The following SLC22A3 variants were observed in gnomAD, a reference collection of about 807,000 sequenced individuals.
The protein encoded by SLC22A3 is solute carrier family 22 member 3, also known as EMT organic cation transporter 3.
In SLC22A3, 51 loss-of-function variants were observed where a neutral mutation model predicts 59.1. That is an observed-to-expected ratio of 0.86 (90% confidence interval 0.69 to 1.09). The LOEUF is 1.09. SLC22A3 is among the 50% of genes least tolerant of loss of function. The pLI, the probability that SLC22A3 is intolerant of heterozygous loss-of-function variation, is 0.00. For synonymous variants in SLC22A3, 325 were observed against 292.0 expected (o/e 1.11, Z -1.15); for missense variants, 711 against 726.3 (o/e 0.98, Z 0.24).
intron 5 of SLC22A3, among the ~76,000 whole-genome samples, chr6:160,416,727 CCT>C: frequency 6.6e-6 from 1 of 152,238 alleles, no homozygotes; most frequent in Middle Eastern, 3.4e-3. Flanking sequence ...CTTGTAGTGC[CCT>C]GTTTCTTGCC....
chr6:160,351,367 G>A (rs1434538641), intron 1 of SLC22A3, among the ~76,000 whole-genome samples: 1 of 152,176 alleles, frequency 6.6e-6, no homozygotes, highest in Non-Finnish European at 1.5e-5. Flanking sequence ...CGCCCGCCTT[G>A]GCTTCCCAAA....
At chr6:160,424,998 C>T (rs1583501402) in intron 5 of SLC22A3, among the ~76,000 whole-genome samples, 1 of 152,188 alleles carries the variant, frequency 6.6e-6, no homozygotes, top group Admixed American at 6.5e-5. Context: ...CAGTTCATAA[C>T]AGTTTATGCA....
chr6:160,377,363 T>C (rs1398816488), intron 1 of SLC22A3, among the ~76,000 whole-genome samples: 2 of 151,962 alleles, frequency 1.3e-5, no homozygotes, highest in South Asian at 4.1e-4. Flanking sequence ...TATGCACCTA[T>C]AGTCCCAGCT....
intron 10 of SLC22A3, among the ~76,000 whole-genome samples, chr6:160,448,115 T>C (rs548291626): frequency 6.6e-6 from 1 of 152,002 alleles, no homozygotes; most frequent in South Asian, 2.1e-4. Context: ...TGTGGGAAAG[T>C]GGAAATTGCT....
At chr6:160,355,365 C>T (rs372651917) in intron 1 of SLC22A3, among the ~76,000 whole-genome samples, 346 of 152,292 alleles carry the variant, frequency 2.3e-3, no homozygotes, top group African/African-American at 7.7e-3. Flanking sequence ...TCTCTTAGCC[C>T]CCGGGGCTCC....
chr6:160,442,626 A>G, intron 7 of SLC22A3, 135 bp from the exon 8 acceptor site: 1 of 721,942 alleles, frequency 1.4e-6, no homozygotes, highest in South Asian at 1.5e-5. Flanking sequence ...ATTATTAGAA[A>G]GTTCTATCAT....
At chr6:160,354,879 T>G (rs946572962) in intron 1 of SLC22A3, among the ~76,000 whole-genome samples, 2 of 152,136 alleles carry the variant, frequency 1.3e-5, no homozygotes, top group Non-Finnish European at 2.9e-5. Flanking sequence ...TTTCCCAGCT[T>G]CCCTTGAAGC....
At chr6:160,411,294 C>A (rs1431000448) in intron 5 of SLC22A3, among the ~76,000 whole-genome samples, 1 of 152,104 alleles carries the variant, frequency 6.6e-6, no homozygotes, top group Non-Finnish European at 1.5e-5. Flanking sequence ...GAAAAAAAAT[C>A]TGTTTATTCA....
At chr6:160,403,344 C>A (rs567844917) in intron 2 of SLC22A3, among the ~76,000 whole-genome samples, 3 of 151,756 alleles carry the variant, frequency 2.0e-5, no homozygotes, top group African/African-American at 7.2e-5. Context: ...CAAAACTCAC[C>A]CAAGATTATA....
chr6:160,365,825 G>A (rs1785184856), intron 1 of SLC22A3, among the ~76,000 whole-genome samples: 1 of 152,140 alleles, frequency 6.6e-6, no homozygotes. Context: ...GAGGCCTCAG[G>A]AAGCTTACGA....
rs1788955549 is a variant in SLC22A3, at chr6:160,451,326, T to A, written c.*270T>A. 6.9e-6 allele frequency: 3 copies of A among 436,490 alleles called. No individual in the cohort carries two copies. The South Asian group carries it at 7.5e-5, about 11-fold the overall frequency. 27.0% of individuals were successfully genotyped at this position (436,490 alleles called of 1,614,324 possible). On this transcript the variant is annotated 3_prime_UTR_variant, in exon 11 of 11. Transcript: ENST00000275300. ...CACAGCCCTTCCTGGGTTTTTTTCT[T>A]GTGTTCCCTGTGGTCTCTGACCCAT...
chr6:160,381,265 CT>C (rs1266802775), intron 1 of SLC22A3, among the ~76,000 whole-genome samples: 41 of 152,294 alleles, frequency 2.7e-4, no homozygotes, highest in Middle Eastern at 6.8e-3. Context: ...GCCTGAAGGT[CT>C]TTTATCTGTA....
At chr6:160,426,900 C>A (rs553753994) in intron 5 of SLC22A3, among the ~76,000 whole-genome samples, 4 of 152,302 alleles carry the variant, frequency 2.6e-5, no homozygotes, top group African/African-American at 9.6e-5. Context: ...TCTGTGTCTA[C>A]CGCACTAGTG....
intron 1 of SLC22A3, among the ~76,000 whole-genome samples, chr6:160,350,960 C>T (rs1194277698): frequency 6.6e-6 from 1 of 152,116 alleles, no homozygotes; most frequent in Non-Finnish European, 1.5e-5. Flanking sequence ...CGTTACAATG[C>T]TCCAAATGCC....
intron 5 of SLC22A3, among the ~76,000 whole-genome samples, chr6:160,432,505 T>C (rs1666743128): frequency 6.6e-6 from 1 of 150,444 alleles, no homozygotes; most frequent in African/African-American, 2.4e-5. Flanking sequence ...CTCGGCTCAC[T>C]GCAACTCCGC....
At chr6:160,399,861 G>C (rs1313777894) in intron 2 of SLC22A3, among the ~76,000 whole-genome samples, 1 of 152,020 alleles carries the variant, frequency 6.6e-6, no homozygotes, top group East Asian at 1.9e-4. Flanking sequence ...TGAGATTACA[G>C]GGCAAACTAC....
intron 3 of SLC22A3, 110 bp from the exon 4 acceptor site, chr6:160,408,643 G>A (rs1202343938): frequency 8.0e-6 from 8 of 995,844 alleles, no homozygotes; most frequent in South Asian, 5.9e-5. Flanking sequence ...GAGTGCTAGC[G>A]TGTTCTAGCA....
At chr6:160,444,271 T>C (rs185769131) in intron 9 of SLC22A3, among the ~76,000 whole-genome samples, 2 of 152,220 alleles carry the variant, frequency 1.3e-5, no homozygotes, top group East Asian at 3.9e-4. Context: ...CTCAGGATGC[T>C]GAGGCAGGAG....
intron 1 of SLC22A3, among the ~76,000 whole-genome samples, chr6:160,365,930 C>T (rs1014661110): frequency 6.6e-5 from 10 of 152,088 alleles, no homozygotes; most frequent in African/African-American, 1.4e-4. Flanking sequence ...TAGACAACCA[C>T]GAGATTCCAT....
Sources: allele counts gnomAD v4.1 joint callset (sites outside exome capture counted in the v4.1 genomes callset), GRCh38; gene constraint gnomAD v4.1.1; transcripts MANE v1.5; gene names NCBI Gene and HGNC (gene_info 2026-07-23, HGNC 2026-07-21).